RAD51B: variants seen among roughly 807,000 people sequenced by gnomAD.
RAD51B encodes the protein DNA repair protein RAD51 homolog 2.
Under a neutral mutation model 42.2 loss-of-function variants are expected in RAD51B, and 38 were observed. The observed-to-expected ratio is 0.90, with a 90% CI of 0.70 to 1.18. The LOEUF (loss-of-function observed/expected upper bound fraction) is 1.18, where lower values mean the gene tolerates loss of function less well. RAD51B is among the 50% of genes most tolerant of loss of function. The pLI, the probability that RAD51B is intolerant of heterozygous loss-of-function variation, is 0.00. For synonymous variants in RAD51B, 154 were observed against 145.2 expected (o/e 1.06, Z -0.43); for missense variants, 373 against 400.7 (o/e 0.93, Z 0.59).
At chr14:68,107,583 A>G (rs555608735) in intron 7 of RAD51B, among the ~76,000 whole-genome samples, 17 of 151,952 alleles carry the variant, frequency 1.1e-4, no homozygotes, top group African/African-American at 3.4e-4. Flanking sequence ...GTATAAAACT[A>G]TAGTAATCCA....
chr14:68,294,560 C>G (rs935148623), intron 8 of RAD51B, among the ~76,000 whole-genome samples: 3 of 152,088 alleles, frequency 2.0e-5, no homozygotes, highest in African/African-American at 7.2e-5. Context: ...GTTAGGCAGG[C>G]CCTTTTGATG....
At chr14:68,072,104 AAT>A (rs915179426) in intron 7 of RAD51B, among the ~76,000 whole-genome samples, 5 of 108,282 alleles carry the variant, frequency 4.6e-5, no homozygotes, top group African/African-American at 1.9e-4. Context: ...TAATATATAA[AAT>A]ATAAAAAATA....
Position 68,397,856 on chromosome 14 carries a change from G to A in RAD51B, c.854-13568G>A, listed in dbSNP as rs552793370. On this transcript the variant is annotated intron_variant, in intron 8 of 10. Coordinates refer to ENST00000471583, the MANE Select transcript of RAD51B (RefSeq NM_133510.4). ...TCTGGTCTAAAATTCTGGGAGCAAA[G>A]GACACTGGGATTGCCTCCACCAAAT... Among the ~76,000 whole-genome samples, 7 of 152,306 alleles carry A rather than the reference G, an allele frequency of 4.6e-5. No homozygotes were observed. In the South Asian group the frequency reaches 1.5e-3, roughly 32 times the overall value.
intron 10 of RAD51B, among the ~76,000 whole-genome samples, chr14:68,585,896 A>G (rs1421687139): frequency 6.6e-6 from 1 of 152,134 alleles, no homozygotes; most frequent in African/African-American, 2.4e-5. Flanking sequence ...GGGGGGAGAC[A>G]ACTCAGCCCA....
chr14:68,591,730 G>A (rs1198630108), intron 10 of RAD51B, among the ~76,000 whole-genome samples: 1 of 152,184 alleles, frequency 6.6e-6, no homozygotes, highest in Non-Finnish European at 1.5e-5. Context: ...CTGTTGCTAA[G>A]GAGTGGTGGG....
chr14:68,657,116 G>C (rs930864752), intron 11 of RAD51B, among the ~76,000 whole-genome samples: 2 of 152,182 alleles, frequency 1.3e-5, no homozygotes, highest in African/African-American at 2.4e-5. Context: ...TGACTATTGA[G>C]CACTGAGATG....
At chr14:68,422,462 G>A (rs1047137292) in intron 9 of RAD51B, among the ~76,000 whole-genome samples, 1 of 151,330 alleles carries the variant, frequency 6.6e-6, no homozygotes, top group Non-Finnish European at 1.5e-5. Flanking sequence ...TTGGGAGGCT[G>A]AGGCAGGGAA....
chr14:68,558,505 G>A (rs1250091627), intron 10 of RAD51B, among the ~76,000 whole-genome samples: 1 of 152,180 alleles, frequency 6.6e-6, no homozygotes, highest in Non-Finnish European at 1.5e-5. Context: ...AAGGCTGTGG[G>A]GAAGGGTCCT....
At chr14:67,910,257 A>G (rs1187628008) in intron 7 of RAD51B, among the ~76,000 whole-genome samples, 1 of 151,910 alleles carries the variant, frequency 6.6e-6, no homozygotes, top group Non-Finnish European at 1.5e-5. Flanking sequence ...GTTCTTTTGA[A>G]CATAGTTTTC....
intron 5 of RAD51B, 61 bp downstream of exon 5, chr14:67,865,200 C>A: frequency 3.7e-6 from 5 of 1,362,884 alleles, no homozygotes; most frequent in Non-Finnish European, 4.9e-6. Context: ...CAGCATGAAA[C>A]ATTTACACAT....
intron 7 of RAD51B, among the ~76,000 whole-genome samples, chr14:68,267,220 G>A (rs1347622046): frequency 6.6e-6 from 1 of 152,170 alleles, no homozygotes; most frequent in Non-Finnish European, 1.5e-5. Flanking sequence ...TTGGTTTTGA[G>A]CTCTGAAGGT....
intron 9 of RAD51B, among the ~76,000 whole-genome samples, chr14:68,446,678 C>A (rs2085428545): frequency 6.6e-6 from 1 of 152,102 alleles, no homozygotes; most frequent in Non-Finnish European, 1.5e-5. Context: ...TATGAAGGAA[C>A]TCACCTCAGA....
chr14:68,555,090 C>G (rs1454860310), intron 10 of RAD51B, among the ~76,000 whole-genome samples: 2 of 152,164 alleles, frequency 1.3e-5, no homozygotes, highest in Non-Finnish European at 2.9e-5. Context: ...TCGTGATCCG[C>G]CCGCCTCAGC....
intron 8 of RAD51B, among the ~76,000 whole-genome samples, chr14:68,335,313 AG>A (rs58322932): frequency 0.55 from 59,340 of 108,720 alleles, 14,592 homozygotes; most frequent in South Asian, 0.6. Context: ...AAAAAAAAAA[AG>A]AAAAGAAAAA....
In RAD51B at chr14:68,563,871, C is replaced by T. The variant is rs1349434160; in HGVS notation, c.1037-30614C>T. 4 of 985,356 alleles carry T rather than the reference C, an allele frequency of 4.1e-6. No individual in the cohort carries two copies. The Admixed American group carries it at 1.8e-4, about 45-fold the overall frequency. 61.0% of individuals were successfully genotyped at this position (985,356 alleles called of 1,614,324 possible). On this transcript the variant is annotated intron_variant, in intron 10 of 10. Transcript: ENST00000487270. ...AAGTTGGTTTCCGATCCCTGGCAAG[C>T]CTGTGCTCTGCAGCCTTGAGTAACG... is the stretch of plus-strand genomic sequence containing the variant.
At chr14:68,138,137 A>G (rs573456534) in intron 7 of RAD51B, among the ~76,000 whole-genome samples, 2 of 97,896 alleles carry the variant, frequency 2.0e-5, no homozygotes, top group East Asian at 8.0e-4. Flanking sequence ...GCAGATTCCC[A>G]TTTAGTATTT....
intron 10 of RAD51B, among the ~76,000 whole-genome samples, chr14:68,483,488 A>G (rs147791045): frequency 6.6e-6 from 1 of 152,306 alleles, no homozygotes; most frequent in East Asian, 1.9e-4. Context: ...GGGAAGGGAT[A>G]GTGGGTTCAA....
intron 3 of RAD51B, among the ~76,000 whole-genome samples, chr14:67,827,044 G>T (rs2040860377): frequency 6.6e-6 from 1 of 152,156 alleles, no homozygotes; most frequent in Admixed American, 6.5e-5. Flanking sequence ...TTAAAGACAG[G>T]ATAGTCAGAA....
At chr14:68,599,412 G>A (rs1891132101), downstream of RAD51B, among the ~76,000 whole-genome samples, 1 of 152,168 alleles carries the variant, frequency 6.6e-6, no homozygotes, top group Admixed American at 6.5e-5. Flanking sequence ...GCAAGTAGAG[G>A]AACCGTGGGG....
Sources: gnomAD v4.1 joint callset for allele counts (sites outside exome capture counted in the v4.1 genomes callset) on GRCh38, gnomAD v4.1.1 for gene constraint, MANE v1.5 for transcripts, NCBI Gene and HGNC (gene_info 2026-07-23, HGNC 2026-07-21) for gene names.